Variants in CFAP54 observed in about 807,000 individuals in gnomAD.
CFAP54 encodes cilia and flagella associated protein 54, also known as cilia- and flagella-associated protein 54.
A neutral mutation model predicts 370.4 loss-of-function variants in CFAP54; 290 were observed. That is an observed-to-expected ratio of 0.78 (90% CI 0.71 to 0.86). The LOEUF is 0.86. Ranked by LOEUF, CFAP54 falls within the 40% of genes least tolerant of loss-of-function variation. The pLI, the probability that CFAP54 is intolerant of heterozygous loss-of-function variation, is 0.00. For synonymous variants in CFAP54, 1,206 were observed against 1,236.5 expected (o/e 0.98, Z 0.52); for missense variants, 3,399 against 3,528.7 (o/e 0.96, Z 0.93).
intron 45 of CFAP54, among the ~76,000 whole-genome samples, chr12:96,697,492 C>T (rs576802210): frequency 6.6e-6 from 1 of 152,212 alleles, no homozygotes; most frequent in African/African-American, 2.4e-5. Flanking sequence ...GCTATTTTCT[C>T]TTTCTTATTA....
chr12:96,609,933 T>G lies in CFAP54; in HGVS notation c.3639+11166T>G, dbSNP rs78801306. ...ACACCAAGTTCCTGAACAGGTAGACTTATTGTCACAGAAGTGCAGATCCTT... is the reference window on the plus strand; with the variant it reads ...ACACCAAGTTCCTGAACAGGTAGACGTATTGTCACAGAAGTGCAGATCCTT... On this transcript the variant is annotated intron_variant, in intron 26 of 67. Coordinates refer to ENST00000524981, the MANE Select transcript of CFAP54 (RefSeq NM_001306084.2). Among the ~76,000 whole-genome samples, 1,444 of 151,980 alleles carry G rather than the reference T, an allele frequency of 9.5e-3. 53 individuals are homozygous for G. In the East Asian group the frequency reaches 0.099, roughly 10 times the overall value.
chr12:96,572,157 A>C (rs543273258), intron 19 of CFAP54, among the ~76,000 whole-genome samples: 1 of 152,222 alleles, frequency 6.6e-6, no homozygotes, highest in Non-Finnish European at 1.5e-5. Context: ...ACTGAACTTA[A>C]AGAGATAAAC....
chr12:96,743,349 A>C, intron 52 of CFAP54, 53 bp from the exon 53 acceptor site: 1 of 1,585,060 alleles, frequency 6.3e-7, no homozygotes, highest in Non-Finnish European at 8.6e-7. Flanking sequence ...TTACACATGT[A>C]TAACTTCTGA....
chr12:96,778,356 T>C (rs976810142), intron 60 of CFAP54, among the ~76,000 whole-genome samples: 6 of 152,206 alleles, frequency 3.9e-5, no homozygotes, highest in African/African-American at 1.2e-4. Flanking sequence ...CTGCAACAAA[T>C]AATTTTTTTG....
intron 2 of CFAP54, 23 bp downstream of exon 2, chr12:96,500,962 G>C (rs1333890991): frequency 7.0e-7 from 1 of 1,421,466 alleles, no homozygotes; most frequent in East Asian, 2.5e-5. Flanking sequence ...GCAGGAAAGA[G>C]CCAAAAAGAA....
chr12:96,804,928 A>G (rs367740353), intron 63 of CFAP54, among the ~76,000 whole-genome samples: 7 of 152,196 alleles, frequency 4.6e-5, no homozygotes, highest in African/African-American at 1.7e-4. Context: ...TAGAGAGCCC[A>G]GAAGTAAAAC....
chr12:96,495,687 TC>T (rs1193018256), intron 1 of CFAP54, among the ~76,000 whole-genome samples: 1 of 152,094 alleles, frequency 6.6e-6, no homozygotes, highest in Non-Finnish European at 1.5e-5. Flanking sequence ...ATTAACATTT[TC>T]TTCTCAAATG....
rs968196222 is a variant in CFAP54, at chr12:96,626,850, C to G, written c.4014C>G (p.Phe1338Leu). The G allele has an allele frequency of 1.4e-6, 2 of 1,413,812 alleles. No individual in the cohort carries two copies. The highest frequency in any genetic ancestry group is 1.9e-6 in the Non-Finnish European group (2 of 1,070,424). 87.6% of individuals were successfully genotyped at this position (1,413,812 alleles called of 1,614,324 possible). ...KFKQKPRFLE[F>L]FTQVMLKCMN... is the part of the protein sequence containing the mutation. ...AGCAAAAACCAAGATTTCTGGAATTCTTTACACAAGTTATGCTAAAATGCA... is the reference window on the plus strand; with the variant it reads ...AGCAAAAACCAAGATTTCTGGAATTGTTTACACAAGTTATGCTAAAATGCA... The change falls in exon 30 of 68, where the codon TTC becomes TTG. Residue 1338 changes from phenylalanine (F) to leucine (L), a missense_variant. Coordinates refer to ENST00000524981, the MANE Select transcript of CFAP54 (RefSeq NM_001306084.2).
At chr12:96,504,478 T>A (rs560810714) in intron 3 of CFAP54, among the ~76,000 whole-genome samples, 3 of 152,328 alleles carry the variant, frequency 2.0e-5, no homozygotes, top group Non-Finnish European at 4.4e-5. Flanking sequence ...ATTTTGTTAA[T>A]TACTACCATT....
intron 50 of CFAP54, among the ~76,000 whole-genome samples, chr12:96,729,518 G>A (rs895404930): frequency 6.6e-6 from 1 of 152,332 alleles, no homozygotes; most frequent in East Asian, 1.9e-4. Context: ...CTCCTGGTGC[G>A]CTGTTTCCTA....
chr12:96,795,477 G>T (rs1416234310), intron 63 of CFAP54, among the ~76,000 whole-genome samples: 1 of 152,042 alleles, frequency 6.6e-6, no homozygotes, highest in Non-Finnish European at 1.5e-5. Context: ...GGAGATGATG[G>T]TGTGGTTCTC....
intron 50 of CFAP54, among the ~76,000 whole-genome samples, chr12:96,722,902 G>T (rs370932541): frequency 3.3e-5 from 5 of 152,262 alleles, no homozygotes; most frequent in Non-Finnish European, 7.4e-5. Context: ...CTGAAATGGG[G>T]AGGTTGTAGG....
intron 1 of CFAP54, among the ~76,000 whole-genome samples, chr12:96,495,690 T>A (rs1338679058): frequency 2.6e-5 from 4 of 152,048 alleles, no homozygotes; most frequent in Non-Finnish European, 5.9e-5. Flanking sequence ...AACATTTTCT[T>A]CTCAAATGAT....
At chr12:96,822,137 C>G (rs1959042068) in intron 65 of CFAP54, among the ~76,000 whole-genome samples, 1 of 152,050 alleles carries the variant, frequency 6.6e-6, no homozygotes. Context: ...CTTGTGTATC[C>G]TTTTTTCTAA....
intron 36 of CFAP54, among the ~76,000 whole-genome samples, chr12:96,654,338 A>G (rs1418866849): frequency 6.6e-6 from 1 of 151,996 alleles, no homozygotes; most frequent in South Asian, 2.1e-4. Context: ...CGTCTCTACT[A>G]AAAATACAAA....
At chr12:96,588,239 T>C (rs1317924059) in intron 22 of CFAP54, among the ~76,000 whole-genome samples, 1 of 152,146 alleles carries the variant, frequency 6.6e-6, no homozygotes, top group African/African-American at 2.4e-5. Flanking sequence ...CTCTCTTAAA[T>C]GTATTTTAGA....
At chr12:96,656,283 A>G (rs2887980) in intron 36 of CFAP54, among the ~76,000 whole-genome samples, 120,087 of 151,916 alleles carry the variant, frequency 0.79, 47,647 homozygotes, top group East Asian at 0.86. Flanking sequence ...AATTTAGGAG[A>G]TCAATAGACA....
chr12:96,604,353 T>A (rs1326488844), intron 26 of CFAP54, among the ~76,000 whole-genome samples: 2 of 152,176 alleles, frequency 1.3e-5, no homozygotes, highest in African/African-American at 2.4e-5. Flanking sequence ...ACCTGCCTGT[T>A]TGAGGTGTCT....
chr12:96,598,803 T>G, intron 26 of CFAP54, 36 bp downstream of exon 26: 1 of 485,020 alleles, frequency 2.1e-6, no homozygotes, highest in Non-Finnish European at 3.7e-6. Flanking sequence ...ATTATAATAT[T>G]TAGGAGCGAT....
Sources: gnomAD v4.1 joint callset for allele counts (sites outside exome capture counted in the v4.1 genomes callset) on GRCh38, gnomAD v4.1.1 for gene constraint, MANE v1.5 for transcripts, NCBI Gene and HGNC (gene_info 2026-07-23, HGNC 2026-07-21) for gene names.